PLSCR2: variants seen among roughly 807,000 people sequenced by gnomAD.
PLSCR2 encodes phospholipid scramblase 2, also known as PL scramblase 2.
A neutral mutation model predicts 25.3 loss-of-function variants in PLSCR2; 18 were observed. The ratio of observed to expected loss-of-function variants is 0.71; its 90% CI spans 0.49 to 1.06. The LOEUF is 1.06. Among genes scored for constraint, PLSCR2 ranks in the 50% least tolerant of loss-of-function variants. The probability of loss-of-function intolerance (pLI) is 0.00; values close to 1 mark genes in which losing one functional copy is unlikely to be tolerated. For missense variants in PLSCR2, 243 were observed against 269.5 expected (o/e 0.90, Z 0.69); for synonymous variants, 88 against 87.3 (o/e 1.01, Z -0.04).
downstream of PLSCR2, among the ~76,000 whole-genome samples, chr3:146,431,339 A>G (rs2039537581): frequency 6.6e-6 from 1 of 152,142 alleles, no homozygotes; most frequent in Admixed American, 6.6e-5. Flanking sequence ...TTTTGCCTGA[A>G]AGTTTTATCA....
chr3:146,396,171 C>T (rs1412668143), intron 2 of PLSCR2, among the ~76,000 whole-genome samples: 1 of 152,118 alleles, frequency 6.6e-6, no homozygotes, highest in African/African-American at 2.4e-5. Context: ...CACACGTATA[C>T]ACTTAATTCA....
chr3:146,409,573 TATTGTAGG>T (rs2038776819), intron 2 of PLSCR2, among the ~76,000 whole-genome samples: 1 of 151,804 alleles, frequency 6.6e-6, no homozygotes. Flanking sequence ...CAGCTTGAAC[TATTGTAGG>T]ATTCAATGAC....
At chr3:146,459,655 AT>A (rs1423882929) in intron 2 of PLSCR2, among the ~76,000 whole-genome samples, 192 bp downstream of exon 2, 1 of 152,220 alleles carries the variant, frequency 6.6e-6, no homozygotes, top group Non-Finnish European at 1.5e-5. Flanking sequence ...TGACATTCAT[AT>A]TTTGATTTAA....
chr3:146,419,788 C>A (rs1158465185), intron 2 of PLSCR2, among the ~76,000 whole-genome samples: 3 of 152,072 alleles, frequency 2.0e-5, no homozygotes, highest in Non-Finnish European at 2.9e-5. Context: ...CTTTTACTTT[C>A]TGCCTTTGTC....
chr3:146,462,465 T>G (rs1243759947), upstream of PLSCR2, among the ~76,000 whole-genome samples: 2 of 89,244 alleles, frequency 2.2e-5, no homozygotes, highest in East Asian at 7.1e-4. Flanking sequence ...TTTTCTTTTC[T>G]TTCTTTTTTT....
At chr3:146,448,853 GA>G (rs1488613284) in intron 6 of PLSCR2, among the ~76,000 whole-genome samples, 1 of 152,064 alleles carries the variant, frequency 6.6e-6, no homozygotes, top group Non-Finnish European at 1.5e-5. Context: ...AATGAGTTAG[GA>G]TGAAATTTCT....
At chr3:146,488,402 T>C (rs1398081046) in intron 1 of PLSCR2, among the ~76,000 whole-genome samples, 1 of 151,530 alleles carries the variant, frequency 6.6e-6, no homozygotes, top group Non-Finnish European at 1.5e-5. Flanking sequence ...ACCTAATGAG[T>C]GAGAGAAAAG....
intron 1 of PLSCR2, among the ~76,000 whole-genome samples, chr3:146,477,463 C>A (rs2042328951): frequency 6.6e-6 from 1 of 152,232 alleles, no homozygotes; most frequent in Non-Finnish European, 1.5e-5. Flanking sequence ...GTCCCACACC[C>A]ATGGAGCCTT....
chr3:146,450,226 C>T (rs777468385), intron 5 of PLSCR2, among the ~76,000 whole-genome samples: 2 of 152,076 alleles, frequency 1.3e-5, no homozygotes, highest in Non-Finnish European at 2.9e-5. Flanking sequence ...CAAATTTGAA[C>T]ACAGGATCAG....
intron 1 of PLSCR2, among the ~76,000 whole-genome samples, chr3:146,487,043 A>C (rs976347356): frequency 6.6e-6 from 1 of 152,180 alleles, no homozygotes; most frequent in South Asian, 2.1e-4. Context: ...TTCATCACAT[A>C]AACAGAACTA....
downstream of PLSCR2, among the ~76,000 whole-genome samples, chr3:146,439,551 T>C (rs913198600): frequency 1.1e-4 from 17 of 152,218 alleles, no homozygotes; most frequent in Admixed American, 1.1e-3. Flanking sequence ...TACCCTTTCT[T>C]CCACTTGATC....
intron 8 of PLSCR2, among the ~76,000 whole-genome samples, chr3:146,434,935 T>C (rs1245110535): frequency 9.8e-6 from 1 of 101,906 alleles, no homozygotes; most frequent in African/African-American, 3.8e-5. Context: ...CCCCACCCCA[T>C]GACAGGCCCT....
intron 1 of PLSCR2, among the ~76,000 whole-genome samples, chr3:146,495,457 T>C (rs2043712710): frequency 1.3e-5 from 2 of 152,160 alleles, no homozygotes; most frequent in Non-Finnish European, 2.9e-5. Context: ...TATGTTAAAG[T>C]CCTAACTCCC....
intron 2 of PLSCR2, among the ~76,000 whole-genome samples, chr3:146,426,277 T>TTTC (rs1361534929): frequency 6.9e-6 from 1 of 145,698 alleles, no homozygotes; most frequent in Non-Finnish European, 1.5e-5. Flanking sequence ...TTCCTTCTTT[T>TTTC]CTTCCTTCCT....
intron 1 of PLSCR2, among the ~76,000 whole-genome samples, chr3:146,473,034 G>A (rs1263176121): frequency 6.6e-6 from 1 of 151,992 alleles, no homozygotes; most frequent in Admixed American, 6.6e-5. Flanking sequence ...CCTTAATTTG[G>A]CATCACCAAT....
intron 2 of PLSCR2, among the ~76,000 whole-genome samples, chr3:146,411,652 T>C (rs2038856052): frequency 6.6e-6 from 1 of 152,106 alleles, no homozygotes; most frequent in East Asian, 1.9e-4. Flanking sequence ...TTGAGATGAA[T>C]TGAGAGACCA....
At position 146,492,282 on chromosome 3, in the gene PLSCR2, C is replaced by T. The variant is rs1210790234; in HGVS notation, c.-293+3613G>A. Reference sequence around the variant, plus strand: ...CTAATGAAGCTATTCAGGACTTAAACTCAACACTTGACCAAACAGATGTAA... The same window carrying T: ...CTAATGAAGCTATTCAGGACTTAAATTCAACACTTGACCAAACAGATGTAA... On this transcript the variant is annotated intron_variant, in intron 1 of 8. Transcript: ENST00000336685. 2.0e-5 allele frequency among the ~76,000 whole-genome samples: 3 copies of T among 152,112 alleles called. No homozygotes were observed. In the East Asian group the frequency reaches 5.8e-4, roughly 29 times the overall value.
chr3:146,453,486 AATACAGGGTT>A (rs1172052629), intron 5 of PLSCR2, among the ~76,000 whole-genome samples: 1 of 152,140 alleles, frequency 6.6e-6, no homozygotes, highest in Non-Finnish European at 1.5e-5. Context: ...GACCTAATTT[AATACAGGGTT>A]AAAGAAGAGA....
At chr3:146,483,612 G>C (rs1182036262) in intron 1 of PLSCR2, among the ~76,000 whole-genome samples, 1 of 150,230 alleles carries the variant, frequency 6.7e-6, no homozygotes, top group Non-Finnish European at 1.5e-5. Context: ...GCCTCTTCGG[G>C]TGATGTATCT....
Sources: allele counts gnomAD v4.1 joint callset (sites outside exome capture counted in the v4.1 genomes callset), GRCh38; gene constraint gnomAD v4.1.1; transcripts MANE v1.5; gene names NCBI Gene and HGNC (gene_info 2026-07-23, HGNC 2026-07-21).